LRRTM4: variants seen among roughly 807,000 people sequenced by gnomAD.
The protein encoded by LRRTM4 is leucine rich repeat transmembrane neuronal 4, also known as leucine-rich repeat transmembrane neuronal protein 4.
LRRTM4 carries 25 observed loss-of-function variants against 47.6 expected under a neutral mutation model. The ratio of observed to expected loss-of-function variants is 0.53; its 90% CI spans 0.38 to 0.73. The LOEUF is 0.73. Among genes scored for constraint, LRRTM4 ranks in the 30% least tolerant of loss-of-function variants. The pLI is 0.00. For synonymous variants in LRRTM4, 311 were observed against 269.5 expected, an observed-to-expected ratio of 1.15 and a Z score of -1.51; for missense variants, 638 against 713.4, an observed-to-expected ratio of 0.89 and a Z score of 1.20.
chr2:77,457,242 CT>C (rs1216422939), intron 3 of LRRTM4, among the ~76,000 whole-genome samples: 8 of 151,706 alleles, frequency 5.3e-5, no homozygotes, highest in Non-Finnish European at 1.0e-4. Flanking sequence ...TTATTTCCCC[CT>C]CTCACTACAA....
intron 3 of LRRTM4, among the ~76,000 whole-genome samples, chr2:76,796,233 CTGGGGG>C (rs1675314408): frequency 6.3e-5 from 5 of 79,456 alleles, no homozygotes; most frequent in Admixed American, 2.7e-4. Flanking sequence ...GGCAGCCAGG[CTGGGGG>C]AGGGGTGCCC....
intron 3 of LRRTM4, among the ~76,000 whole-genome samples, chr2:76,934,110 A>G (rs62170333): frequency 0.028 from 4,200 of 152,216 alleles, 88 homozygotes; most frequent in Non-Finnish European, 0.041. Flanking sequence ...GAAATAAAGA[A>G]CCTTACTCTG....
chr2:77,266,177 T>C (rs1164774300), intron 3 of LRRTM4, among the ~76,000 whole-genome samples: 1 of 152,154 alleles, frequency 6.6e-6, no homozygotes, highest in African/African-American at 2.4e-5. Context: ...AATTACTATA[T>C]TGGTCTGAAT....
intron 3 of LRRTM4, among the ~76,000 whole-genome samples, chr2:77,295,078 T>C (rs1258855894): frequency 1.3e-5 from 2 of 152,188 alleles, no homozygotes; most frequent in South Asian, 2.1e-4. Context: ...ATATTAGCAA[T>C]AATACTAGCA....
intron 3 of LRRTM4, among the ~76,000 whole-genome samples, chr2:76,979,256 G>C (rs1001712666): frequency 9.2e-5 from 14 of 151,936 alleles, no homozygotes; most frequent in African/African-American, 3.1e-4. Flanking sequence ...GTGTACACAA[G>C]AACAAGTAGG....
At chr2:76,909,752 C>T (rs1422135600) in intron 3 of LRRTM4, among the ~76,000 whole-genome samples, 1 of 152,136 alleles carries the variant, frequency 6.6e-6, no homozygotes, top group Admixed American at 6.5e-5. Context: ...AAAATGCTCA[C>T]CATCACTGAC....
chr2:76,932,253 G>A (rs560393658), intron 3 of LRRTM4, among the ~76,000 whole-genome samples: 2 of 152,190 alleles, frequency 1.3e-5, no homozygotes, highest in African/African-American at 4.8e-5. Context: ...CTAGGGAGGG[G>A]TAAAATTTGC....
intron 3 of LRRTM4, among the ~76,000 whole-genome samples, chr2:77,423,722 A>C (rs1674994769): frequency 1.3e-5 from 2 of 152,212 alleles, no homozygotes; most frequent in South Asian, 2.1e-4. Flanking sequence ...ACTTCTCAAC[A>C]GTCAGAATTG....
At chr2:77,304,437 G>C (rs1424126096) in intron 3 of LRRTM4, among the ~76,000 whole-genome samples, 1 of 152,002 alleles carries the variant, frequency 6.6e-6, no homozygotes, top group Non-Finnish European at 1.5e-5. Context: ...AGAGGTATTG[G>C]GTTTAGTGGC....
At chr2:77,085,774 T>C (rs183956249) in intron 3 of LRRTM4, among the ~76,000 whole-genome samples, 3 of 152,320 alleles carry the variant, frequency 2.0e-5, no homozygotes, top group East Asian at 1.9e-4. Context: ...TGATTTTCTG[T>C]TGGCTTAATA....
At chr2:76,754,489 A>G (rs531637236) in intron 3 of LRRTM4, among the ~76,000 whole-genome samples, 1 of 152,276 alleles carries the variant, frequency 6.6e-6, no homozygotes, top group East Asian at 1.9e-4. Context: ...TAGGAACACA[A>G]TGTCATCAGC....
chr2:76,951,188 C>T (rs994486225), intron 3 of LRRTM4, among the ~76,000 whole-genome samples: 2 of 151,990 alleles, frequency 1.3e-5, no homozygotes, highest in African/African-American at 4.8e-5. Context: ...TTATAAGCAT[C>T]AAGGAACAAT....
intron 3 of LRRTM4, among the ~76,000 whole-genome samples, chr2:77,076,265 T>C (rs1680333466): frequency 6.6e-6 from 1 of 152,210 alleles, no homozygotes; most frequent in Non-Finnish European, 1.5e-5. Flanking sequence ...TTGGTTTAAC[T>C]TGAGAAGTTA....
chr2:77,430,065 T>C lies in LRRTM4; in HGVS notation c.1551+88253A>G, dbSNP rs898698988. 6.6e-5 allele frequency among the ~76,000 whole-genome samples: 10 copies of C among 151,330 alleles called. 1 individual carries two copies. Among genetic ancestry groups the C allele is most frequent in the Middle Eastern group, 6.9e-3 (2 of 290 alleles). ...GCCTGGGCAGCAGAGTAAGGCTGTGTCTCAAAAAAAAAAAATCTGTTTTAA... is the reference window on the plus strand; with the variant it reads ...GCCTGGGCAGCAGAGTAAGGCTGTGCCTCAAAAAAAAAAAATCTGTTTTAA... On this transcript the variant is annotated intron_variant, in intron 3 of 3. Transcript: ENST00000409884.
chr2:77,189,855 A>G (rs1450040795), intron 3 of LRRTM4, among the ~76,000 whole-genome samples: 1 of 152,126 alleles, frequency 6.6e-6, no homozygotes, highest in Non-Finnish European at 1.5e-5. Context: ...ATACATAAAC[A>G]ATATCTATGT....
At chr2:77,140,864 T>A (rs2103760300) in intron 3 of LRRTM4, among the ~76,000 whole-genome samples, 1 of 152,168 alleles carries the variant, frequency 6.6e-6, no homozygotes. Context: ...AACAGACACA[T>A]GAAAAAATGC....
At chr2:76,762,310 T>C (rs1673287579) in intron 3 of LRRTM4, among the ~76,000 whole-genome samples, 2 of 152,182 alleles carry the variant, frequency 1.3e-5, no homozygotes, top group African/African-American at 4.8e-5. Context: ...TTATTTTTCC[T>C]GGCCATCACC....
intron 3 of LRRTM4, among the ~76,000 whole-genome samples, chr2:77,001,159 T>C (rs1677412450): frequency 6.6e-6 from 1 of 152,298 alleles, no homozygotes; most frequent in African/African-American, 2.4e-5. Context: ...AGGGCTGTAG[T>C]AGCTGTCATC....
intron 3 of LRRTM4, among the ~76,000 whole-genome samples, chr2:76,823,260 T>C (rs745886295): frequency 9.2e-5 from 14 of 151,456 alleles, no homozygotes; most frequent in Admixed American, 2.0e-4. Context: ...AAGAATAAAA[T>C]TAGCAATAAA....
Sources: gnomAD v4.1 joint callset for allele counts (sites outside exome capture counted in the v4.1 genomes callset) on GRCh38, gnomAD v4.1.1 for gene constraint, MANE v1.5 for transcripts, NCBI Gene and HGNC (gene_info 2026-07-23, HGNC 2026-07-21) for gene names.